KCNMA1: variants seen among roughly 807,000 people sequenced by gnomAD.
KCNMA1 encodes the protein Calcium-activated potassium channel subunit alpha-1.
KCNMA1 carries 29 observed loss-of-function variants against 140.0 expected under a neutral mutation model. That is an observed-to-expected ratio of 0.21 (90% CI 0.15 to 0.28). The LOEUF (loss-of-function observed/expected upper bound fraction) is 0.28, where lower values mean the gene tolerates loss of function less well. Among genes scored for constraint, KCNMA1 ranks in the 10% least tolerant of loss-of-function variants. The pLI is 1.00. For missense variants in KCNMA1, 880 were observed against 1,602.2 expected, an observed-to-expected ratio of 0.55 and a Z score of 7.70; for synonymous variants, 612 against 611.9, an observed-to-expected ratio of 1.00 and a Z score of 0.00.
At chr10:77,630,950 T>G (rs1256477112) in intron 1 of KCNMA1, among the ~76,000 whole-genome samples, 1 of 151,044 alleles carries the variant, frequency 6.6e-6, no homozygotes, top group Non-Finnish European at 1.5e-5. Flanking sequence ...TGTAAAAAAT[T>G]TAAAACCTAG....
chr10:77,600,417 C>T (rs1306789292), intron 1 of KCNMA1, among the ~76,000 whole-genome samples: 1 of 152,154 alleles, frequency 6.6e-6, no homozygotes, highest in East Asian at 1.9e-4. Flanking sequence ...TCACAGCAGC[C>T]CCTGTGGCTA....
At chr10:77,192,431 A>C (rs1366126018) in intron 3 of KCNMA1, among the ~76,000 whole-genome samples, 2 of 152,156 alleles carry the variant, frequency 1.3e-5, no homozygotes, top group African/African-American at 4.8e-5. Context: ...GCAAAAGCAA[A>C]ATACGGGCAT....
chr10:77,516,821 G>A (rs1018553944), intron 1 of KCNMA1, among the ~76,000 whole-genome samples: 1 of 152,142 alleles, frequency 6.6e-6, no homozygotes, highest in Non-Finnish European at 1.5e-5. Context: ...GCTGGTGTGG[G>A]GTGGGCACCT....
At chr10:77,490,156 G>C (rs889358963) in intron 1 of KCNMA1, among the ~76,000 whole-genome samples, 1 of 152,182 alleles carries the variant, frequency 6.6e-6, no homozygotes, top group Admixed American at 6.5e-5. Context: ...GGGGTTAAAT[G>C]ACCCTATATC....
intron 1 of KCNMA1, among the ~76,000 whole-genome samples, chr10:77,579,932 T>C (rs941667268): frequency 6.6e-6 from 1 of 152,190 alleles, no homozygotes; most frequent in Non-Finnish European, 1.5e-5. Context: ...AAATTTGAAT[T>C]TGGATAACAG....
chr10:77,302,129 G>T (rs977580812), intron 2 of KCNMA1, among the ~76,000 whole-genome samples: 1 of 152,030 alleles, frequency 6.6e-6, no homozygotes, highest in Non-Finnish European at 1.5e-5. Context: ...CTCGCATAAG[G>T]TCACAAAGAT....
At chr10:77,594,278 A>G (rs2080128811) in intron 1 of KCNMA1, among the ~76,000 whole-genome samples, 1 of 152,150 alleles carries the variant, frequency 6.6e-6, no homozygotes, top group South Asian at 2.1e-4. Flanking sequence ...TGCAAAAGGC[A>G]AGAGACAACT....
intron 1 of KCNMA1, among the ~76,000 whole-genome samples, chr10:77,627,746 T>A (rs1461988285): frequency 6.6e-6 from 1 of 152,138 alleles, no homozygotes; most frequent in African/African-American, 2.4e-5. Flanking sequence ...CAAGGACTAG[T>A]GCAAACAGAA....
At chr10:77,265,541 C>T (rs768790422) in intron 2 of KCNMA1, among the ~76,000 whole-genome samples, 1 of 152,148 alleles carries the variant, frequency 6.6e-6, no homozygotes, top group Non-Finnish European at 1.5e-5. Flanking sequence ...TGGACAAAAT[C>T]TCTTTAATAT....
At chr10:77,407,234 C>G (rs1442608697) in intron 1 of KCNMA1, among the ~76,000 whole-genome samples, 1 of 152,118 alleles carries the variant, frequency 6.6e-6, no homozygotes, top group Non-Finnish European at 1.5e-5. Context: ...TGCCAGCCGG[C>G]CAGACTAGCC....
chr10:76,911,569 G>C (rs371593993), intron 24 of KCNMA1: 7 of 152,332 alleles, frequency 4.6e-5, no homozygotes, highest in Admixed American at 2.6e-4. Context: ...AGGCTCATAC[G>C]AATGGGATGG....
At chr10:76,950,472 T>C (rs1316856261) in intron 21 of KCNMA1, among the ~76,000 whole-genome samples, 1 of 152,238 alleles carries the variant, frequency 6.6e-6, no homozygotes, top group Non-Finnish European at 1.5e-5. Flanking sequence ...GTTTAGTCAC[T>C]GCTGGCCCTT....
At chr10:77,101,391 G>A (rs2097094383) in intron 9 of KCNMA1, among the ~76,000 whole-genome samples, 1 of 152,180 alleles carries the variant, frequency 6.6e-6, no homozygotes, top group South Asian at 2.1e-4. Context: ...ATCAGTCCAA[G>A]ATGTTCTGTC....
Position 77,128,444 on chromosome 10 carries a change from G to A in KCNMA1, c.809-7396C>T, listed in dbSNP as rs1365365197. On this transcript the variant is annotated intron_variant, in intron 5 of 27. Transcript: ENST00000286628. ...TCTATTTTTTTTTCTTTGTACTTTT[G>A]GGGCACTGGTTCTGGACTTTGACTG... 2.4e-5 allele frequency among the ~76,000 whole-genome samples: 3 copies of A among 124,740 alleles called. No individual in the cohort carries two copies. In the Admixed American group the frequency reaches 2.6e-4, roughly 11 times the overall value. The allele number at this position is 124,740 out of a possible 152,430, so 81.8% of individuals were successfully genotyped here. A position where few individuals can be genotyped will look rare whatever the true frequency, so the allele number is the denominator to read the frequency against.
Position 77,327,605 on chromosome 10 carries a change from T to C in KCNMA1, c.540+76257A>G, listed in dbSNP as rs535926708. ...CTTGACCTCAGGTGATCTGCCTGCC[T>C]CAGCCTCTCAAAGTGCTAGGATTAC... On this transcript the variant is annotated intron_variant, in intron 2 of 27. Transcript: ENST00000286628. 1.2e-3 allele frequency among the ~76,000 whole-genome samples: 179 copies of C among 152,238 alleles called. 1 individual carries two copies. The highest frequency in any genetic ancestry group is 4.2e-3 in the African/African-American group (173 of 41,560).
intron 14 of KCNMA1, among the ~76,000 whole-genome samples, chr10:77,059,926 T>C (rs555825005): frequency 1.4e-4 from 22 of 152,288 alleles, no homozygotes; most frequent in East Asian, 1.2e-3. Flanking sequence ...ATACCACCAA[T>C]GAACAATTGG....
chr10:77,434,514 C>T (rs114229079), intron 1 of KCNMA1, among the ~76,000 whole-genome samples: 2,330 of 152,314 alleles, frequency 0.015, 49 homozygotes, highest in African/African-American at 0.047. Flanking sequence ...TAGCGTGATG[C>T]ATGTCTTGGA....
intron 2 of KCNMA1, among the ~76,000 whole-genome samples, chr10:77,379,902 C>G (rs1328534175): frequency 2.0e-5 from 3 of 152,166 alleles, no homozygotes; most frequent in African/African-American, 4.8e-5. Context: ...ACTGAGCCAG[C>G]CTCCCACGTC....
chr10:77,565,522 G>A (rs2067955349), intron 1 of KCNMA1, among the ~76,000 whole-genome samples: 1 of 152,216 alleles, frequency 6.6e-6, no homozygotes, highest in African/African-American at 2.4e-5. Flanking sequence ...AGATCCTGGT[G>A]CTGAAGAGCT....
Sources: gnomAD v4.1 joint callset for allele counts (sites outside exome capture counted in the v4.1 genomes callset) on GRCh38, gnomAD v4.1.1 for gene constraint, MANE v1.5 for transcripts, NCBI Gene and HGNC (gene_info 2026-07-23, HGNC 2026-07-21) for gene names.